Variants in SLC38A4 observed in about 807,000 individuals in gnomAD.
SLC38A4 encodes solute carrier family 38 member 4, also known as sodium-coupled neutral amino acid transporter 4.
Under a neutral mutation model 63.1 loss-of-function variants are expected in SLC38A4, and 20 were observed. The observed-to-expected ratio is 0.32, with a 90% CI of 0.22 to 0.46. The LOEUF is 0.46. SLC38A4 is among the 20% of genes least tolerant of loss of function. The pLI is 1.00. For synonymous variants in SLC38A4, 230 were observed against 225.5 expected, an observed-to-expected ratio of 1.02 and a Z score of -0.18; for missense variants, 526 against 663.6, an observed-to-expected ratio of 0.79 and a Z score of 2.28.
At chr12:46,790,069 ACT>A (rs1378147097) in intron 3 of SLC38A4, among the ~76,000 whole-genome samples, 1 of 147,384 alleles carries the variant, frequency 6.8e-6, no homozygotes, top group East Asian at 2.0e-4. Context: ...CAAGAGTGAA[ACT>A]CTGTCTGTCT....
In SLC38A4 at chr12:46,779,760, C is replaced by T; in HGVS notation, c.658+20G>A. The T allele has an allele frequency of 1.3e-6, 2 of 1,591,700 alleles. No homozygotes were observed. The highest frequency in any genetic ancestry group is 1.7e-6 in the Non-Finnish European group (2 of 1,168,954). On this transcript the variant is annotated intron_variant, in intron 9 of 16. Transcript: ENST00000266579. The stretch of plus-strand genomic sequence containing the variant: ...TGTGAAATAAAAATAAAAATATTTC[C>T]AGTTAGAAAATATCTTTACCTAAAT...
intron 1 of SLC38A4, among the ~76,000 whole-genome samples, chr12:46,819,346 A>T (rs1939498572): frequency 6.6e-6 from 1 of 151,714 alleles, no homozygotes; most frequent in Non-Finnish European, 1.5e-5. Context: ...TGAACACTGC[A>T]TGAATAATTG....
At position 46,769,374 on chromosome 12, in the gene SLC38A4, G is replaced by A. The variant is rs938537130; in HGVS notation, c.1354C>T (p.Arg452Ter). 1.9e-6 allele frequency: 3 copies of A among 1,613,406 alleles called. No homozygotes were observed. Among genetic ancestry groups the A allele is most frequent in the Admixed American group, 3.3e-5 (2 of 59,934 alleles). The change falls in exon 15 of 17, where the codon CGA (arginine) becomes TGA (stop). Residue 452 changes from arginine (R) to a stop codon, truncating the protein, a stop_gained. Transcript: ENST00000266579. LOFTEE classifies it high-confidence loss of function. Reference sequence around the variant, plus strand: ...AGCACAGCTGCAATCAGGAAATGTCGTATCCAGCTGAAGGGTCGTTTGGGA... The same window carrying A: ...AGCACAGCTGCAATCAGGAAATGTCATATCCAGCTGAAGGGTCGTTTGGGA... ...LFPKRPFSWI[R>*]HFLIAAVLIA...
At chr12:46,815,430 T>C (rs1284491043) in intron 1 of SLC38A4, among the ~76,000 whole-genome samples, 2 of 151,478 alleles carry the variant, frequency 1.3e-5, no homozygotes, top group Admixed American at 1.3e-4. Context: ...CATCCTTCCC[T>C]TTCTTCCTTT....
chr12:46,828,907 C>A (rs527953872), upstream of SLC38A4, among the ~76,000 whole-genome samples: 60 of 152,296 alleles, frequency 3.9e-4, no homozygotes, highest in African/African-American at 1.3e-3. Flanking sequence ...TTTTCCATTT[C>A]TCCTATCTCT....
intron 7 of SLC38A4, among the ~76,000 whole-genome samples, chr12:46,781,773 T>C (rs555759613): frequency 6.6e-6 from 1 of 152,142 alleles, no homozygotes; most frequent in African/African-American, 2.4e-5. Context: ...TTCCATTGTT[T>C]AGAAGCGTAG....
At chr12:46,822,137 T>C (rs1939562305) in intron 1 of SLC38A4, among the ~76,000 whole-genome samples, 1 of 152,310 alleles carries the variant, frequency 6.6e-6, no homozygotes, top group South Asian at 2.1e-4. Context: ...TGTGCATGTA[T>C]GCACCACACC....
intron 16 of SLC38A4, among the ~76,000 whole-genome samples, chr12:46,767,568 G>A (rs559549389): frequency 6.6e-6 from 1 of 152,030 alleles, no homozygotes; most frequent in African/African-American, 2.4e-5. Context: ...AAGCTGCTGG[G>A]TGGACCTTTT....
chr12:46,814,573 C>A (rs1052026669), intron 1 of SLC38A4, among the ~76,000 whole-genome samples: 1 of 151,916 alleles, frequency 6.6e-6, no homozygotes, highest in Non-Finnish European at 1.5e-5. Context: ...AAGTGACCTA[C>A]ATTTCACTCA....
At chr12:46,826,179 T>G (rs954034996), upstream of SLC38A4, among the ~76,000 whole-genome samples, 3 of 152,160 alleles carry the variant, frequency 2.0e-5, no homozygotes, top group African/African-American at 7.2e-5. Context: ...GTACCGCGAG[T>G]GTACCCAGTG....
intron 14 of SLC38A4, among the ~76,000 whole-genome samples, chr12:46,771,577 T>C (rs1383661717): frequency 6.6e-6 from 1 of 152,120 alleles, no homozygotes; most frequent in African/African-American, 2.4e-5. Context: ...ATGCAAAAGC[T>C]TCTTCCTCTT....
chr12:46,773,659 T>C (rs1938465888), intron 14 of SLC38A4, among the ~76,000 whole-genome samples: 1 of 152,062 alleles, frequency 6.6e-6, no homozygotes. Flanking sequence ...TGTTCATCAG[T>C]AAATGACTTT....
intron 7 of SLC38A4, among the ~76,000 whole-genome samples, chr12:46,780,238 C>G (rs2287473): frequency 0.024 from 3,606 of 152,080 alleles, 184 homozygotes; most frequent in East Asian, 0.23. Flanking sequence ...TTAACAGTAT[C>G]AGGGCTGATT....
Position 46,795,082 on chromosome 12 carries a change from C to T in SLC38A4, c.-112-1899G>A, listed in dbSNP as rs551752829. On this transcript the variant is annotated intron_variant, in intron 2 of 16. Coordinates refer to ENST00000266579, the MANE Select transcript of SLC38A4 (RefSeq NM_018018.5). Reference sequence around the variant, plus strand: ...ACTTCCCAGCAGCAACCACTATTGACGGTTTCTGTTTTTAGCTTGTTACTT... The same window carrying T: ...ACTTCCCAGCAGCAACCACTATTGATGGTTTCTGTTTTTAGCTTGTTACTT... Among the ~76,000 whole-genome samples the T allele has an allele frequency of 1.1e-3, 172 of 151,958 alleles. 1 individual carries two copies. The highest frequency in any genetic ancestry group is 3.6e-3 in the Admixed American group (55 of 15,232).
At chr12:46,809,516 G>A (rs1939299715) in intron 1 of SLC38A4, among the ~76,000 whole-genome samples, 1 of 152,046 alleles carries the variant, frequency 6.6e-6, no homozygotes, top group South Asian at 2.1e-4. Flanking sequence ...GTGGGGCCAT[G>A]GTGTAGTCAG....
chr12:46,790,246 T>C (rs913158273), intron 3 of SLC38A4, among the ~76,000 whole-genome samples: 5 of 152,128 alleles, frequency 3.3e-5, no homozygotes, highest in African/African-American at 1.2e-4. Flanking sequence ...GAGATGTAGA[T>C]AGAAACAGCA....
intron 16 of SLC38A4, 117 bp downstream of exon 16, chr12:46,768,193 T>C (rs913661471): frequency 1.4e-6 from 1 of 697,396 alleles, no homozygotes; most frequent in African/African-American, 1.8e-5. Context: ...TCTAGCCCAG[T>C]TTTGATTTTT....
Position 46,769,539 on chromosome 12 carries a change from G to A in SLC38A4, c.1300-111C>T, listed in dbSNP as rs1938368667. On this transcript the variant is annotated intron_variant, in intron 14 of 16. Transcript: ENST00000266579. Reference sequence around the variant, plus strand: ...TTTTCTTTCCTTTTCTTTTTTCCCAGAAAAGATGTTGATGCTTTTTTCAAT... The same window carrying A: ...TTTTCTTTCCTTTTCTTTTTTCCCAAAAAAGATGTTGATGCTTTTTTCAAT... The A allele has an allele frequency of 4.9e-6, 6 of 1,213,964 alleles. No individual in the cohort carries two copies. In the South Asian group the frequency reaches 7.9e-5, roughly 16 times the overall value. The allele number at this position is 1,213,964 out of a possible 1,614,324, so 75.2% of individuals were successfully genotyped here. A position where few individuals can be genotyped will look rare whatever the true frequency, so the allele number is the denominator to read the frequency against.
chr12:46,818,855 G>A (rs1157442386), intron 1 of SLC38A4, among the ~76,000 whole-genome samples: 1 of 151,922 alleles, frequency 6.6e-6, no homozygotes, highest in Non-Finnish European at 1.5e-5. Flanking sequence ...TGGGTGAGTA[G>A]ACCAGTACAT....
Sources: allele counts gnomAD v4.1 joint callset (sites outside exome capture counted in the v4.1 genomes callset), GRCh38; gene constraint gnomAD v4.1.1; transcripts MANE v1.5; gene names NCBI Gene and HGNC (gene_info 2026-07-23, HGNC 2026-07-21).